The following LRBA variants were observed in gnomAD, a reference collection of about 807,000 sequenced individuals.
LRBA encodes the protein lipopolysaccharide-responsive and beige-like anchor protein.
LRBA carries 176 observed loss-of-function variants against 330.0 expected under a neutral mutation model. That is an observed-to-expected ratio of 0.53 (90% CI 0.47 to 0.60). LRBA has a LOEUF of 0.60. Ranked by LOEUF, LRBA falls within the 20% of genes least tolerant of loss-of-function variation. LRBA has a pLI of 0.00. For missense variants in LRBA, 3,259 were observed against 3,444.8 expected (o/e 0.95, Z 1.35); for synonymous variants, 1,230 against 1,193.0 (o/e 1.03, Z -0.64).
intron 56 of LRBA, among the ~76,000 whole-genome samples, chr4:150,266,962 CAAAG>C (rs1745430183): frequency 6.6e-6 from 1 of 152,042 alleles, no homozygotes; most frequent in African/African-American, 2.4e-5. Flanking sequence ...TTACAAGAGA[CAAAG>C]GACACTACAC....
At chr4:150,819,594 G>T (rs1010994864) in intron 30 of LRBA, among the ~76,000 whole-genome samples, 3 of 151,962 alleles carry the variant, frequency 2.0e-5, no homozygotes, top group African/African-American at 7.2e-5. Context: ...CTCAGTGATG[G>T]GTCTACAGGT....
intron 47 of LRBA, among the ~76,000 whole-genome samples, chr4:150,396,480 TCACACACACA>T (rs10641158): frequency 2.1e-5 from 3 of 145,774 alleles, no homozygotes; most frequent in Admixed American, 6.9e-5. Flanking sequence ...AAATCTCATC[TCACACACACA>T]CACACACACA....
chr4:151,008,296 G>C (rs1180747440), intron 2 of LRBA, among the ~76,000 whole-genome samples: 1 of 151,926 alleles, frequency 6.6e-6, no homozygotes. Flanking sequence ...GGTCAGGCTG[G>C]TCTCAAACTC....
intron 40 of LRBA, among the ~76,000 whole-genome samples, chr4:150,575,178 TAAAGGA>T (rs1293860763): frequency 3.3e-5 from 5 of 152,122 alleles, no homozygotes; most frequent in African/African-American, 9.6e-5. Flanking sequence ...ATCAGATGGT[TAAAGGA>T]AAAGTTTCCA....
chr4:150,278,452 C>T (rs1349718573), intron 55 of LRBA, among the ~76,000 whole-genome samples: 1 of 124,402 alleles, frequency 8.0e-6, no homozygotes, highest in Non-Finnish European at 1.9e-5. Flanking sequence ...CCAGCAGCCT[C>T]GGCACCTTCC....
intron 54 of LRBA, among the ~76,000 whole-genome samples, chr4:150,285,294 T>C (rs112427243): frequency 3.6e-3 from 549 of 152,320 alleles, no homozygotes; most frequent in African/African-American, 0.012. Flanking sequence ...ATGGGATAAG[T>C]AAGCAACGAA....
rs534872330 is a variant in LRBA, at chr4:150,891,439, A to G, written c.2165+1613T>C. Among the ~76,000 whole-genome samples the G allele has an allele frequency of 4.9e-3, 749 of 152,352 alleles. 2 individuals are homozygous for G. Among genetic ancestry groups the G allele is most frequent in the Non-Finnish European group, 8.1e-3 (551 of 68,028 alleles). ...AAGATAGTTGGTCAAATATTTTTCT[A>G]GATGTTTCTTTGAAGGTATTTTTTG... On this transcript the variant is annotated intron_variant, in intron 17 of 56. Transcript: ENST00000651943.
intron 36 of LRBA, among the ~76,000 whole-genome samples, chr4:150,708,853 C>A (rs1359653283): frequency 6.6e-6 from 1 of 151,686 alleles, no homozygotes; most frequent in South Asian, 2.1e-4. Flanking sequence ...ATACATAGAT[C>A]ATTGCTATTC....
At position 150,846,454 on chromosome 4, in the gene LRBA, C is replaced by T. The variant is rs557649291; in HGVS notation, c.4340-1675G>A. On this transcript the variant is annotated intron_variant, in intron 26 of 56. Coordinates refer to ENST00000651943, the MANE Select transcript of LRBA (RefSeq NM_001364905.1). ...CTGAGATAGGGCAATTGCTTGAACC[C>T]GGAAGAAAGAGGTTGCAGTGAGCCC... Among the ~76,000 whole-genome samples, 6 of 151,466 alleles carry T rather than the reference C, an allele frequency of 4.0e-5. No homozygotes were observed. In the South Asian group the frequency reaches 1.0e-3, roughly 26 times the overall value.
chr4:150,928,662 C>T, intron 3 of LRBA, 46 bp from the exon 4 acceptor site: 4 of 1,473,636 alleles, frequency 2.7e-6, no homozygotes, highest in Non-Finnish European at 3.8e-6. Flanking sequence ...AGTTATATTT[C>T]TCGAATATTT....
At chr4:150,685,844 T>G (rs1254168010) in intron 36 of LRBA, among the ~76,000 whole-genome samples, 1 of 152,022 alleles carries the variant, frequency 6.6e-6, no homozygotes, top group Non-Finnish European at 1.5e-5. Context: ...AAAGGAAACC[T>G]TTAAAGCAAA....
intron 56 of LRBA, among the ~76,000 whole-genome samples, chr4:150,272,197 G>T (rs1277818468): frequency 6.6e-6 from 1 of 152,154 alleles, no homozygotes; most frequent in African/African-American, 2.4e-5. Flanking sequence ...GTCTGGAATG[G>T]ACCTCTAGCA....
intron 48 of LRBA, among the ~76,000 whole-genome samples, chr4:150,337,588 CT>C (rs1734925557): frequency 6.6e-6 from 1 of 152,164 alleles, no homozygotes; most frequent in South Asian, 2.1e-4. Flanking sequence ...GTTTATTTGG[CT>C]TCTCATTGTA....
At chr4:150,682,866 G>A (rs1213357540) in intron 37 of LRBA, among the ~76,000 whole-genome samples, 1 of 152,018 alleles carries the variant, frequency 6.6e-6, no homozygotes, top group Non-Finnish European at 1.5e-5. Context: ...GTCAACACAT[G>A]TTCCTGAAAT....
chr4:150,329,964 T>C (rs370500826), intron 48 of LRBA, among the ~76,000 whole-genome samples: 1 of 152,094 alleles, frequency 6.6e-6, no homozygotes, highest in Non-Finnish European at 1.5e-5. Flanking sequence ...TCTTTGCTGG[T>C]TTTCCCCCTC....
chr4:150,892,012 A>C (rs769214818), intron 17 of LRBA, among the ~76,000 whole-genome samples: 9 of 152,164 alleles, frequency 5.9e-5, no homozygotes, highest in Non-Finnish European at 1.3e-4. Context: ...GGATCCCTTG[A>C]GCCCAGGAGG....
chr4:150,457,917 T>C (rs750216058), intron 44 of LRBA, among the ~76,000 whole-genome samples: 1 of 151,944 alleles, frequency 6.6e-6, no homozygotes, highest in African/African-American at 2.4e-5. Context: ...TAACTTAGCA[T>C]GATTAGAGAA....
chr4:150,310,270 C>A lies in LRBA; in HGVS notation c.7808G>T (p.Gly2603Val), dbSNP rs766651200. 6.2e-7 allele frequency: 1 copy of A among 1,612,774 alleles called. No individual in the cohort carries two copies. Among genetic ancestry groups the A allele is most frequent in the Non-Finnish European group, 8.5e-7 (1 of 1,178,982 alleles). Residue 2603 changes from glycine to valine, a missense_variant, in exon 52 of 57, where the codon GGC (glycine) becomes GTC (valine). Coordinates refer to ENST00000651943, the MANE Select transcript of LRBA (RefSeq NM_001364905.1). Reference sequence around the variant, plus strand: ...GACTCTGAAACTTTTATCCCAGAAGCCACAGACGAGAATATAGCGGTTGTC... The same window carrying A: ...GACTCTGAAACTTTTATCCCAGAAGACACAGACGAGAATATAGCGGTTGTC... Reference protein sequence around the residue: ...TSDNRYILVCGFWDKSFRVYS... With the variant: ...TSDNRYILVCVFWDKSFRVYS...
chr4:150,993,760 A>G (rs993776917), intron 2 of LRBA, among the ~76,000 whole-genome samples: 2 of 152,208 alleles, frequency 1.3e-5, no homozygotes, highest in Non-Finnish European at 2.9e-5. Flanking sequence ...CACTACCACG[A>G]GAACAGTATG....
Sources: gnomAD v4.1 joint callset for allele counts (sites outside exome capture counted in the v4.1 genomes callset) on GRCh38, gnomAD v4.1.1 for gene constraint, MANE v1.5 for transcripts, NCBI Gene and HGNC (gene_info 2026-07-23, HGNC 2026-07-21) for gene names.